Variants in TENM3 observed in about 807,000 individuals in gnomAD.
TENM3 encodes teneurin-3.
Under a neutral mutation model 255.1 loss-of-function variants are expected in TENM3, and 63 were observed. The ratio of observed to expected loss-of-function variants is 0.25; its 90% CI spans 0.20 to 0.30. The LOEUF is 0.30. Ranked by LOEUF, TENM3 falls within the 10% of genes least tolerant of loss-of-function variation. The pLI, the probability that TENM3 is intolerant of heterozygous loss-of-function variation, is 1.00. For synonymous variants in TENM3, 1,306 were observed against 1,322.3 expected (o/e 0.99, Z 0.27); for missense variants, 2,929 against 3,461.1 (o/e 0.85, Z 3.86).
chr4:182,614,673 T>G (rs913686486), intron 4 of TENM3, among the ~76,000 whole-genome samples: 1 of 152,174 alleles, frequency 6.6e-6, no homozygotes, highest in Non-Finnish European at 1.5e-5. Flanking sequence ...CTCCTAGTAC[T>G]TTTTCCTTTC....
intron 27 of TENM3, among the ~76,000 whole-genome samples, chr4:182,798,825 C>T (rs955445363): frequency 6.6e-6 from 1 of 152,160 alleles, no homozygotes; most frequent in Non-Finnish European, 1.5e-5. Flanking sequence ...TACAGAAAAA[C>T]AACTGTTTCT....
the TENM3 span, among the ~76,000 whole-genome samples, chr4:181,604,947 G>A: frequency 2.0e-5 from 3 of 152,142 alleles, no homozygotes; most frequent in African/African-American, 7.2e-5. Flanking sequence ...TTGTTGTGGA[G>A]GTTGATTTAA....
intron 3 of TENM3, among the ~76,000 whole-genome samples, chr4:182,419,336 G>C (rs937323742): frequency 2.0e-5 from 3 of 152,130 alleles, no homozygotes; most frequent in African/African-American, 7.2e-5. Context: ...TCTCACACCA[G>C]TTCGAATGGC....
chr4:181,949,923 C>G, the TENM3 span, among the ~76,000 whole-genome samples: 1 of 152,174 alleles, frequency 6.6e-6, no homozygotes, highest in Non-Finnish European at 1.5e-5. Context: ...TCTGCACAGC[C>G]ACCTCCTCGG....
chr4:182,788,100 T>C (rs945210451), intron 24 of TENM3, among the ~76,000 whole-genome samples: 5 of 152,216 alleles, frequency 3.3e-5, no homozygotes, highest in Non-Finnish European at 7.3e-5. Context: ...TTGAAGGTTC[T>C]AGCTAGAATA....
intron 3 of TENM3, among the ~76,000 whole-genome samples, chr4:182,579,524 G>T (rs1745278454): frequency 1.3e-5 from 2 of 152,156 alleles, no homozygotes; most frequent in South Asian, 4.1e-4. Context: ...AGAAAGAGGA[G>T]GAGATCTTGG....
the TENM3 span, among the ~76,000 whole-genome samples, chr4:181,773,088 A>G: frequency 6.6e-6 from 1 of 152,192 alleles, no homozygotes; most frequent in African/African-American, 2.4e-5. Flanking sequence ...ACATCTGCTC[A>G]CCAGCACCCA....
At chr4:182,165,039 A>G (rs1415474834) in intron 1 of TENM3, among the ~76,000 whole-genome samples, 2 of 152,154 alleles carry the variant, frequency 1.3e-5, no homozygotes, top group African/African-American at 4.8e-5. Flanking sequence ...GCCCCAAACT[A>G]ATTAATTCAG....
At chr4:181,646,474 T>C in the TENM3 span, among the ~76,000 whole-genome samples, 1 of 152,052 alleles carries the variant, frequency 6.6e-6, no homozygotes, top group African/African-American at 2.4e-5. Context: ...CCAAAATGAT[T>C]TCTAGGATCA....
At chr4:181,862,372 T>G in the TENM3 span, among the ~76,000 whole-genome samples, 1 of 152,140 alleles carries the variant, frequency 6.6e-6, no homozygotes, top group Non-Finnish European at 1.5e-5. Flanking sequence ...ACATTTAGAA[T>G]TCCTGTAAAT....
chr4:181,832,107 T>C, the TENM3 span, among the ~76,000 whole-genome samples: 2 of 151,702 alleles, frequency 1.3e-5, no homozygotes, highest in Admixed American at 1.3e-4. Context: ...GGTAATTATA[T>C]GGGAGGAAAT....
intron 3 of TENM3, among the ~76,000 whole-genome samples, chr4:182,499,743 A>G (rs533262616): frequency 6.6e-6 from 1 of 152,220 alleles, no homozygotes; most frequent in Non-Finnish European, 1.5e-5. Context: ...ACAGAATATG[A>G]AGTTTAATAG....
At chr4:182,089,451 A>T in the TENM3 span, among the ~76,000 whole-genome samples, 1 of 152,206 alleles carries the variant, frequency 6.6e-6, no homozygotes, top group African/African-American at 2.4e-5. Flanking sequence ...CTGCAACCAC[A>T]GGAACTCAAA....
intron 1 of TENM3, among the ~76,000 whole-genome samples, chr4:182,150,162 A>T (rs1029328555): frequency 6.6e-6 from 1 of 151,838 alleles, no homozygotes; most frequent in Non-Finnish European, 1.5e-5. Context: ...AACTGGGTCT[A>T]CTTGGTGTCT....
At chr4:181,710,679 G>A in the TENM3 span, among the ~76,000 whole-genome samples, 10 of 151,912 alleles carry the variant, frequency 6.6e-5, no homozygotes, top group East Asian at 2.0e-4. Flanking sequence ...CTGAGATCTC[G>A]CCACTGTACC....
intron 2 of TENM3, among the ~76,000 whole-genome samples, chr4:182,343,442 AT>A (rs1184270411): frequency 3.3e-5 from 5 of 152,242 alleles, no homozygotes; most frequent in African/African-American, 4.8e-5. Flanking sequence ...TGCAAAGAAC[AT>A]GGCTTTTCCA....
chr4:182,427,643 T>G (rs1031638396), intron 3 of TENM3, among the ~76,000 whole-genome samples: 2 of 152,172 alleles, frequency 1.3e-5, no homozygotes, highest in African/African-American at 4.8e-5. Flanking sequence ...GTGCTAAAAA[T>G]AAGCCTATAG....
intron 3 of TENM3, among the ~76,000 whole-genome samples, chr4:182,552,117 T>C (rs553393444): frequency 6.6e-6 from 1 of 151,626 alleles, no homozygotes; most frequent in Non-Finnish European, 1.5e-5. Context: ...TTTTCTAGAG[T>C]TAGCTTTTTT....
chr4:182,797,037 A>G (rs1001466253), intron 27 of TENM3, among the ~76,000 whole-genome samples: 1 of 152,262 alleles, frequency 6.6e-6, no homozygotes, highest in Non-Finnish European at 1.5e-5. Flanking sequence ...AAGAACCCCA[A>G]GAAAGCGTGG....
Sources: allele counts gnomAD v4.1 joint callset (sites outside exome capture counted in the v4.1 genomes callset), GRCh38; gene constraint gnomAD v4.1.1; transcripts MANE v1.5; gene names NCBI Gene and HGNC (gene_info 2026-07-23, HGNC 2026-07-21).